ENTPD1: variants seen among roughly 807,000 people sequenced by gnomAD.
ENTPD1 encodes the protein ATP diphosphohydrolase.
In ENTPD1, 33 loss-of-function variants were observed where a neutral mutation model predicts 57.0. The observed-to-expected ratio is 0.58, with a 90% confidence interval of 0.44 to 0.77. The LOEUF (loss-of-function observed/expected upper bound fraction) is 0.77. Ranked by LOEUF, ENTPD1 falls within the 30% of genes least tolerant of loss-of-function variation. The pLI, the probability that ENTPD1 is intolerant of heterozygous loss-of-function variation, is 0.00. For missense variants in ENTPD1, 501 were observed against 603.4 expected (o/e 0.83, Z 1.78); for synonymous variants, 202 against 218.8 (o/e 0.92, Z 0.68).
chr10:95,829,899 T>G (rs1200423888), intron 2 of ENTPD1, among the ~76,000 whole-genome samples: 1 of 151,910 alleles, frequency 6.6e-6, no homozygotes, highest in African/African-American at 2.4e-5. Flanking sequence ...ATGGATTGAG[T>G]TATCACAGGG....
At chr10:95,804,614 C>T (rs1192332052) in intron 1 of ENTPD1, among the ~76,000 whole-genome samples, 2 of 152,170 alleles carry the variant, frequency 1.3e-5, no homozygotes, top group Non-Finnish European at 2.9e-5. Flanking sequence ...TCTAAATATA[C>T]AATCATGTCA....
chr10:95,796,887 T>A (rs551559315), intron 1 of ENTPD1, among the ~76,000 whole-genome samples: 1 of 152,174 alleles, frequency 6.6e-6, no homozygotes, highest in African/African-American at 2.4e-5. Context: ...GAGACCAGCC[T>A]GGGCAACATA....
At chr10:95,841,617 A>T (rs1451616126) in intron 3 of ENTPD1, among the ~76,000 whole-genome samples, 1 of 152,246 alleles carries the variant, frequency 6.6e-6, no homozygotes, top group Non-Finnish European at 1.5e-5. Context: ...TTGAATAATT[A>T]TCCTTAAAGC....
intron 7 of ENTPD1, among the ~76,000 whole-genome samples, chr10:95,860,153 T>C (rs559247895): frequency 1.2e-4 from 18 of 152,318 alleles, no homozygotes; most frequent in African/African-American, 3.8e-4. Context: ...ATGTAGTACA[T>C]AGTATTTTTA....
chr10:95,703,076 C>T, the ENTPD1 span, among the ~76,000 whole-genome samples: 3 of 151,774 alleles, frequency 2.0e-5, no homozygotes, highest in African/African-American at 4.8e-5. Flanking sequence ...TGAGCCACCG[C>T]GCCCGGCCTA....
rs2141028907 is a variant in ENTPD1 at position 95,871,992 on chromosome 10, T to G, written c.*5609T>G. On this transcript the variant is annotated 3_prime_UTR_variant, in exon 10 of 10. Transcript: ENST00000371205. ...TTACTCCTAACCCAGTTCCTCCTCC[T>G]GTGTTTTACATGATTAATGCCACCC... The G allele has an allele frequency of 1.0e-6, 1 of 985,446 alleles. No individual in the cohort carries two copies. The highest frequency in any genetic ancestry group is 1.2e-6 in the Non-Finnish European group (1 of 829,932). 61.0% of individuals were successfully genotyped at this position (985,446 alleles called of 1,614,324 possible).
intron 1 of ENTPD1, among the ~76,000 whole-genome samples, chr10:95,802,740 G>A (rs2098255280): frequency 1.3e-5 from 2 of 152,256 alleles, no homozygotes; most frequent in South Asian, 4.1e-4. Context: ...AGTTTGCTGA[G>A]GATGATGGTT....
intron 1 of ENTPD1, among the ~76,000 whole-genome samples, chr10:95,734,255 G>A (rs1245809719): frequency 2.0e-5 from 3 of 152,150 alleles, no homozygotes; most frequent in Admixed American, 2.0e-4. Context: ...GGAGGTAAGA[G>A]GACTCCAGTA....
At chr10:95,719,041 A>G (rs1323213327) in intron 1 of ENTPD1, among the ~76,000 whole-genome samples, 1 of 152,218 alleles carries the variant, frequency 6.6e-6, no homozygotes, top group Non-Finnish European at 1.5e-5. Context: ...AGCAGTGAGT[A>G]TGCTGTTCAC....
At chr10:95,719,447 T>C (rs1341683566) in intron 1 of ENTPD1, among the ~76,000 whole-genome samples, 1 of 152,212 alleles carries the variant, frequency 6.6e-6, no homozygotes, top group East Asian at 1.9e-4. Flanking sequence ...GGAATCCATA[T>C]TTGGCAGAAG....
chr10:95,747,850 A>G (rs1157194676), intron 1 of ENTPD1, among the ~76,000 whole-genome samples: 1 of 151,672 alleles, frequency 6.6e-6, no homozygotes, highest in East Asian at 1.9e-4. Flanking sequence ...TTATTGTTCA[A>G]TTACTTATAT....
intron 1 of ENTPD1, among the ~76,000 whole-genome samples, chr10:95,732,025 C>T (rs112923464): frequency 5.3e-4 from 80 of 151,874 alleles, no homozygotes; most frequent in African/African-American, 1.9e-3. Context: ...TCAGGTGATC[C>T]AACTGCCTTG....
chr10:95,698,438 C>T, the ENTPD1 span, among the ~76,000 whole-genome samples: 127,968 of 152,244 alleles, frequency 0.84, 54,342 homozygotes, highest in Non-Finnish European at 0.91. Context: ...TAAAAAAGCA[C>T]GTTCAGCAGA....
Position 95,866,523 on chromosome 10 carries a change from C to T in ENTPD1, c.*140C>T. The T allele has an allele frequency of 1.3e-6, 2 of 1,524,334 alleles. No homozygotes were observed. Among genetic ancestry groups the T allele is most frequent in the Non-Finnish European group, 1.8e-6 (2 of 1,138,628 alleles). The allele number at this position is 1,524,334 out of a possible 1,614,324, so 94.4% of individuals were successfully genotyped here. A position where few individuals can be genotyped will look rare whatever the true frequency, so the allele number is the denominator to read the frequency against. On this transcript the variant is annotated 3_prime_UTR_variant, in exon 10 of 10. Transcript: ENST00000371205. The stretch of plus-strand genomic sequence containing the variant: ...GAGTGTGAAGCTTCCTTGGCTTTTA[C>T]TGAAGCCTTTCTTTTGGAGGTATTC...
rs538808097 is a variant in ENTPD1, at chr10:95,876,857, G to A, written c.*10474G>A. ...ATTCAGACTTCATGAAGAGCACTGC[G>A]CTATAATAAAAGAAGAAATGAGCAC... On this transcript the variant is annotated 3_prime_UTR_variant, in exon 10 of 10. Coordinates refer to ENST00000371205, the MANE Select transcript of ENTPD1 (RefSeq NM_001776.6). 2.0e-5 allele frequency among the ~76,000 whole-genome samples: 3 copies of A among 152,256 alleles called. No individual in the cohort carries two copies. The highest frequency in any genetic ancestry group is 6.5e-5 in the Admixed American group (1 of 15,278).
rs373317773 is a variant in ENTPD1, at chr10:95,875,951, C to T, written c.*9568C>T. 1.9e-5 allele frequency: 19 copies of T among 985,120 alleles called. No individual in the cohort carries two copies. Among genetic ancestry groups the T allele is most frequent in the Middle Eastern group, 5.2e-4 (1 of 1,934 alleles). The allele number at this position is 985,120 out of a possible 1,614,324, so 61.0% of individuals were successfully genotyped here. A position where few individuals can be genotyped will look rare whatever the true frequency, so the allele number is the denominator to read the frequency against. On this transcript the variant is annotated 3_prime_UTR_variant, in exon 10 of 10. Transcript: ENST00000371205. The stretch of plus-strand genomic sequence containing the variant: ...TCAAGTTGAGATTTGGGTGGGGACA[C>T]AGCCAAACCATATCAATGATTTTGT...
At chr10:95,850,809 G>A (rs1002558925) in intron 7 of ENTPD1, among the ~76,000 whole-genome samples, 6 of 152,200 alleles carry the variant, frequency 3.9e-5, no homozygotes, top group Admixed American at 3.9e-4. Flanking sequence ...TTGAAGCATA[G>A]CTATGTGCAA....
At chr10:95,695,545 G>A in the ENTPD1 span, among the ~76,000 whole-genome samples, 3 of 152,152 alleles carry the variant, frequency 2.0e-5, no homozygotes, top group South Asian at 2.1e-4. Flanking sequence ...GAAGTCAGTA[G>A]CTAAAAGTCT....
At chr10:95,854,148 C>T (rs1199840107) in intron 7 of ENTPD1, among the ~76,000 whole-genome samples, 1 of 152,008 alleles carries the variant, frequency 6.6e-6, no homozygotes, top group Non-Finnish European at 1.5e-5. Flanking sequence ...ACTTCTTCCT[C>T]GTTTAGTCTT....
Sources: allele counts gnomAD v4.1 joint callset (sites outside exome capture counted in the v4.1 genomes callset), GRCh38; gene constraint gnomAD v4.1.1; transcripts MANE v1.5; gene names NCBI Gene and HGNC (gene_info 2026-07-23, HGNC 2026-07-21).